The following NFATC1 variants were observed in gnomAD, a reference collection of about 807,000 sequenced individuals.
NFATC1 encodes nuclear factor of activated T cells 1, also known as nuclear factor of activated T-cells, cytoplasmic 1.
Under a neutral mutation model 76.0 loss-of-function variants are expected in NFATC1, and 22 were observed. The ratio of observed to expected loss-of-function variants is 0.29; its 90% CI spans 0.21 to 0.41. The LOEUF is 0.41. Among genes scored for constraint, NFATC1 ranks in the 10% least tolerant of loss-of-function variants. The probability of loss-of-function intolerance (pLI) is 1.00; values close to 1 mark genes in which losing one functional copy is unlikely to be tolerated. For synonymous variants in NFATC1, 704 were observed against 613.1 expected, an observed-to-expected ratio of 1.15 and a Z score of -2.19; for missense variants, 1,357 against 1,337.7, an observed-to-expected ratio of 1.01 and a Z score of -0.23.
intron 8 of NFATC1, among the ~76,000 whole-genome samples, chr18:79,475,975 TC>T (rs1482682330): frequency 6.6e-6 from 1 of 152,146 alleles, no homozygotes; most frequent in Non-Finnish European, 1.5e-5. Context: ...GGGCTCAGCA[TC>T]CGACGGGCGC....
At chr18:79,462,253 T>G (rs1051657729) in intron 7 of NFATC1, among the ~76,000 whole-genome samples, 3 of 152,222 alleles carry the variant, frequency 2.0e-5, no homozygotes, top group Non-Finnish European at 4.4e-5. Context: ...AGGCAACGTC[T>G]TCTTGGGTGG....
chr18:79,431,961 C>T (rs550215848), intron 2 of NFATC1, among the ~76,000 whole-genome samples: 18 of 152,310 alleles, frequency 1.2e-4, no homozygotes, highest in Non-Finnish European at 2.4e-4. Context: ...TCGGCCTCCC[C>T]GAGTGCTGGG....
chr18:79,399,555 G>C (rs1373829448), intron 1 of NFATC1, among the ~76,000 whole-genome samples: 1 of 152,264 alleles, frequency 6.6e-6, no homozygotes, highest in Non-Finnish European at 1.5e-5. Context: ...CCTCAGCTAA[G>C]CAGCCCGGCT....
chr18:79,494,935 C>T (rs1268186534), intron 9 of NFATC1, among the ~76,000 whole-genome samples: 1 of 150,626 alleles, frequency 6.6e-6, no homozygotes, highest in East Asian at 2.0e-4. Context: ...GCACACGCCC[C>T]CCATCAACCT....
At chr18:79,494,941 A>ACACGCCCCCCATCG (rs1569030709) in intron 9 of NFATC1, among the ~76,000 whole-genome samples, 1 of 112,852 alleles carries the variant, frequency 8.9e-6, no homozygotes, top group Non-Finnish European at 1.9e-5. Context: ...GCCCCCCATC[A>ACACGCCCCCCATCG]ACCTGGTACG....
In NFATC1 at chr18:79,396,351, G is replaced by C. The variant is rs1194449478; in HGVS notation, c.127G>C (p.Glu43Gln). 1 of 1,350,224 alleles carries C rather than the reference G, an allele frequency of 7.4e-7. No homozygotes were observed. Among genetic ancestry groups the C allele is most frequent in the Non-Finnish European group, 9.7e-7 (1 of 1,034,066 alleles). The allele number at this position is 1,350,224 out of a possible 1,614,324, so 83.6% of individuals were successfully genotyped here. Residue 43 changes from glutamate (E) to glutamine (Q), a missense_variant and splice_region_variant, in exon 1 of 10, where the codon GAA (glutamate) becomes CAA (glutamine). Coordinates refer to ENST00000427363, the MANE Select transcript of NFATC1 (RefSeq NM_001278669.2). The part of the protein sequence containing the change: ...AGGTMKSAEE[E>Q]HYGYASSNVS... Reference sequence around the variant, plus strand: ...CGGCACCATGAAGTCAGCGGAGGAAGGTAAGCCCCGCGCGGCCTCCGCCCC... The same window carrying C: ...CGGCACCATGAAGTCAGCGGAGGAACGTAAGCCCCGCGCGGCCTCCGCCCC...
rs1425364737 is a variant in NFATC1 at position 79,461,348 on chromosome 18, C to T, written c.1941C>T (p.Asp647=). 1.9e-6 allele frequency: 3 copies of T among 1,614,126 alleles called. No individual in the cohort carries two copies. The highest frequency in any genetic ancestry group is 2.5e-6 in the Non-Finnish European group (3 of 1,180,008). The change falls in exon 7 of 10, where the codon GAC becomes GAT. Residue 647 remains aspartate, a synonymous_variant. Transcript: ENST00000427363. ...HHVWEMEAKT[D]RDLCKPNSLV... Reference sequence around the variant, plus strand: ...TCTGGGAGATGGAAGCGAAAACTGACCGGGACCTGTGCAAGCCGGTGAGTG... The same window carrying T: ...TCTGGGAGATGGAAGCGAAAACTGATCGGGACCTGTGCAAGCCGGTGAGTG...
chr18:79,408,247 T>C (rs1262694725), intron 1 of NFATC1, among the ~76,000 whole-genome samples: 1 of 152,210 alleles, frequency 6.6e-6, no homozygotes, highest in African/African-American at 2.4e-5. Flanking sequence ...GCACTGTCCT[T>C]GAATAAAGTA....
chr18:79,496,499 A>G (rs62096906), intron 9 of NFATC1: 6,812 of 152,420 alleles, frequency 0.045, 198 homozygotes, highest in Non-Finnish European at 0.067. Context: ...GGGCCACTCA[A>G]GCTGGGTGCT....
intron 2 of NFATC1, chr18:79,422,799 C>T (rs1358280340): frequency 2.0e-5 from 3 of 152,244 alleles, no homozygotes; most frequent in Non-Finnish European, 2.9e-5. Context: ...TGCTTTCTCC[C>T]ATCTGTAGTT....
intron 8 of NFATC1, among the ~76,000 whole-genome samples, chr18:79,479,655 C>T (rs939776889): frequency 6.6e-6 from 1 of 152,238 alleles, no homozygotes; most frequent in African/African-American, 2.4e-5. Context: ...CTGCAGCTCT[C>T]CAGGACATGA....
intron 8 of NFATC1, among the ~76,000 whole-genome samples, chr18:79,474,090 T>C (rs1223142312): frequency 3.6e-5 from 5 of 139,838 alleles, no homozygotes; most frequent in South Asian, 2.4e-4. Context: ...TCACGCTCAC[T>C]GTCGACGTTG....
In NFATC1 at chr18:79,464,713, T is replaced by TATTTA. The variant is rs1339032166; in HGVS notation, c.1960-2737_1960-2736insATTTA. Among the ~76,000 whole-genome samples the TATTTA allele has an allele frequency of 2.0e-3, 262 of 134,012 alleles. 14 individuals carry two copies. Among genetic ancestry groups the TATTTA allele is most frequent in the African/African-American group, 6.5e-3 (234 of 36,088 alleles). The allele number at this position is 134,012 out of a possible 152,430, so 87.9% of individuals were successfully genotyped here. On this transcript the variant is annotated intron_variant, in intron 7 of 9. Transcript: ENST00000427363. ...ATATATATTTATTTATTTATTTATT[T>TATTTA]TTTTTTTTTTGAGACAGGGTCTTGC...
intron 9 of NFATC1, among the ~76,000 whole-genome samples, chr18:79,523,478 C>T (rs1264189180): frequency 6.6e-6 from 1 of 152,272 alleles, no homozygotes. Flanking sequence ...GAATACTTGA[C>T]TGAGAAAGGC....
chr18:79,469,377 G>C (rs531272023), intron 8 of NFATC1: 1 of 985,322 alleles, frequency 1.0e-6, no homozygotes, highest in African/African-American at 1.7e-5. Context: ...CACAGATCAC[G>C]TATCTCAGAG....
intron 9 of NFATC1, among the ~76,000 whole-genome samples, chr18:79,522,182 C>T (rs55825218): frequency 0.033 from 1,270 of 38,692 alleles, 62 homozygotes; most frequent in Admixed American, 0.058. Flanking sequence ...TCTGCTGATG[C>T]GTTTTGTGTG....
At chr18:79,483,685 C>A (rs1287078922) in intron 8 of NFATC1, among the ~76,000 whole-genome samples, 10 of 138,664 alleles carry the variant, frequency 7.2e-5, no homozygotes, top group East Asian at 2.2e-4. Context: ...CCTGGGGTGT[C>A]ACTCCAGCGT....
At chr18:79,454,688 G>A (rs1429836834) in intron 6 of NFATC1, among the ~76,000 whole-genome samples, 6 of 152,168 alleles carry the variant, frequency 3.9e-5, no homozygotes, top group Non-Finnish European at 7.3e-5. Context: ...CAGCTTCCTC[G>A]GAAAACGACA....
At chr18:79,414,332 C>T (rs2085803629) in intron 2 of NFATC1, among the ~76,000 whole-genome samples, 1 of 152,196 alleles carries the variant, frequency 6.6e-6, no homozygotes, top group African/African-American at 2.4e-5. Context: ...ATCTTCTCCC[C>T]ACCGTGGTAC....
Sources: allele counts gnomAD v4.1 joint callset (sites outside exome capture counted in the v4.1 genomes callset), GRCh38; gene constraint gnomAD v4.1.1; transcripts MANE v1.5; gene names NCBI Gene and HGNC (gene_info 2026-07-23, HGNC 2026-07-21).